The following ATP7B variants were observed in gnomAD, a reference collection of about 807,000 sequenced individuals.
ATP7B encodes ATPase copper transporting beta, also known as copper-transporting ATPase 2.
In ATP7B, 113 loss-of-function variants were observed where a neutral mutation model predicts 118.9. That is an observed-to-expected ratio of 0.95 (90% CI 0.82 to 1.11). The LOEUF (loss-of-function observed/expected upper bound fraction) is 1.11, where lower values mean the gene tolerates loss of function less well. Ranked by LOEUF, ATP7B falls within the 50% of genes most tolerant of loss-of-function variation. The pLI, the probability that ATP7B is intolerant of heterozygous loss-of-function variation, is 0.00. For missense variants in ATP7B, 1,867 were observed against 1,871.4 expected (o/e 1.00, Z 0.04); for synonymous variants, 777 against 727.4 (o/e 1.07, Z -1.10).
intron 1 of ATP7B, among the ~76,000 whole-genome samples, chr13:51,992,235 G>A (rs1952953178): frequency 1.3e-5 from 2 of 151,958 alleles, no homozygotes; most frequent in East Asian, 1.9e-4. Flanking sequence ...TCTGAACAAC[G>A]TGCCACCTAA....
intron 7 of ATP7B, chr13:51,959,354 C>A (rs1266496194): frequency 6.6e-6 from 1 of 152,562 alleles, no homozygotes. Flanking sequence ...CATAGCAAGA[C>A]CCTATCTAGC....
At chr13:51,988,078 A>G (rs1455104088) in intron 1 of ATP7B, among the ~76,000 whole-genome samples, 6 of 152,208 alleles carry the variant, frequency 3.9e-5, no homozygotes, top group Non-Finnish European at 8.8e-5. Context: ...TAAACTAAAG[A>G]GCTTCTGCAC....
At chr13:52,011,946 C>G (rs1265308560), upstream of ATP7B, 1 of 303,452 alleles carries the variant, frequency 3.3e-6, no homozygotes, top group African/African-American at 2.2e-5. Context: ...CTGCCCCCTC[C>G]TCGGACTCTG....
At position 51,949,567 on chromosome 13, in the gene ATP7B, T is replaced by C. The variant is rs1032648104; in HGVS notation, c.2865+95A>G. 1.2e-5 allele frequency: 19 copies of C among 1,539,644 alleles called. No individual in the cohort carries two copies. The Admixed American group carries it at 3.0e-4, about 25-fold the overall frequency. ...AAGCAAATAAAATGTAATGAATAAT[T>C]AAAGCCCAGTGAATCTAAGATATGA... On this transcript the variant is annotated intron_variant, in intron 12 of 20. Transcript: ENST00000242839.
In ATP7B at chr13:51,974,640, G is replaced by A; in HGVS notation, c.580C>T (p.Pro194Ser). 6.2e-7 allele frequency: 1 copy of A among 1,612,236 alleles called. No individual in the cohort carries two copies. Among genetic ancestry groups the A allele is most frequent in the Admixed American group, 1.7e-5 (1 of 59,848 alleles). The change falls in exon 2 of 21, where the codon CCC (proline) becomes TCC (serine). Residue 194 changes from proline to serine, a missense_variant. Transcript: ENST00000242839. ...TTTACATGGTCCCTGAGGTCTTCGG[G>A]CTGAATGAGATAAGGCTGATAAGTG... ...VITYQPYLIQ[P>S]EDLRDHVNDM...
chr13:51,957,834 A>C, intron 8 of ATP7B: 1 of 554,108 alleles, frequency 1.8e-6, no homozygotes, highest in Non-Finnish European at 3.3e-6. Context: ...CGGGAATTAC[A>C]TTTCAGACTG....
intron 5 of ATP7B, among the ~76,000 whole-genome samples, chr13:51,963,922 C>T (rs1369147068): frequency 2.0e-5 from 3 of 151,488 alleles, no homozygotes; most frequent in African/African-American, 4.9e-5. Flanking sequence ...CATGGCGGTG[C>T]ACGCCTGTAG....
At chr13:51,953,122 T>C (rs914524889) in intron 9 of ATP7B, among the ~76,000 whole-genome samples, 8 of 152,196 alleles carry the variant, frequency 5.3e-5, no homozygotes, top group Admixed American at 3.9e-4. Context: ...GGTGGCTGAG[T>C]GAGCCAGGAG....
rs575745870 is a variant in ATP7B at position 51,996,083 on chromosome 13, G to A, written c.51+15204C>T. Among the ~76,000 whole-genome samples, 8 of 152,308 alleles carry A rather than the reference G, an allele frequency of 5.3e-5. No individual in the cohort carries two copies. The East Asian group carries it at 1.3e-3, about 26-fold the overall frequency. Reference sequence around the variant, plus strand: ...TCCACAGCTCCAATGTTGGCAGCGTGCAGAATACTTGGTGAGAGAAGTATT... The same window carrying A: ...TCCACAGCTCCAATGTTGGCAGCGTACAGAATACTTGGTGAGAGAAGTATT... On this transcript the variant is annotated intron_variant, in intron 1 of 20. Transcript: ENST00000242839.
rs377752512 is a variant in ATP7B, at chr13:51,949,385, C to T, written c.2865+277G>A. Among the ~76,000 whole-genome samples the T allele has an allele frequency of 6.6e-5, 10 of 152,230 alleles. No individual in the cohort carries two copies. In the East Asian group the frequency reaches 7.7e-4, roughly 12 times the overall value. On this transcript the variant is annotated intron_variant, in intron 12 of 20. Coordinates refer to ENST00000242839, the MANE Select transcript of ATP7B (RefSeq NM_000053.4). ...ATAACCTCAAAAAGGACCAATAATA[C>T]ATATTGTAAATGCTTCAAGCATTAC...
At chr13:51,993,125 T>C (rs1953007076) in intron 1 of ATP7B, among the ~76,000 whole-genome samples, 1 of 152,264 alleles carries the variant, frequency 6.6e-6, no homozygotes, top group South Asian at 2.1e-4. Flanking sequence ...ATATACATTA[T>C]GTAAACATAA....
intron 1 of ATP7B, among the ~76,000 whole-genome samples, chr13:52,004,600 C>T (rs903400540): frequency 1.3e-5 from 2 of 152,154 alleles, no homozygotes; most frequent in African/African-American, 4.8e-5. Flanking sequence ...CTTTTTTATT[C>T]CTTATTTTTA....
chr13:51,990,403 G>A (rs1013144189), intron 1 of ATP7B, among the ~76,000 whole-genome samples: 7 of 151,974 alleles, frequency 4.6e-5, no homozygotes, highest in African/African-American at 1.4e-4. Flanking sequence ...ATAGTCCATC[G>A]AACAGAAATC....
chr13:51,965,721 C>T (rs1256884380), intron 4 of ATP7B, among the ~76,000 whole-genome samples: 4 of 152,080 alleles, frequency 2.6e-5, no homozygotes, highest in Middle Eastern at 3.2e-3. Flanking sequence ...ACAGGATGCT[C>T]GAGGGAGAGG....
rs1449685316 is a variant in ATP7B at position 51,968,711 on chromosome 13, T to TAG, written c.1544-106_1544-105dup. ...AGAAACACATCTTCCCAGAATCCTC[T>TAG]AGAACAGCAGTTTTCAAACACTGTT... On this transcript the variant is annotated intron_variant, in intron 3 of 20. Coordinates refer to ENST00000242839, the MANE Select transcript of ATP7B (RefSeq NM_000053.4). 23 of 1,370,836 alleles carry TAG rather than the reference T, an allele frequency of 1.7e-5. No homozygotes were observed. In the East Asian group the frequency reaches 4.8e-4, roughly 29 times the overall value. 84.9% of individuals were successfully genotyped at this position (1,370,836 alleles called of 1,614,324 possible).
At chr13:51,950,613 C>T (rs545887836) in intron 9 of ATP7B, among the ~76,000 whole-genome samples, 4 of 152,276 alleles carry the variant, frequency 2.6e-5, no homozygotes, top group African/African-American at 9.6e-5. Flanking sequence ...ACAGCAAAGG[C>T]CCTACTACCT....
At chr13:52,009,259 G>A (rs570776007) in intron 1 of ATP7B, among the ~76,000 whole-genome samples, 1 of 152,320 alleles carries the variant, frequency 6.6e-6, no homozygotes, top group South Asian at 2.1e-4. Context: ...CCTACTGTGA[G>A]GGAGATGAGC....
At chr13:52,010,765 T>TGAA (rs1953986724) in intron 1 of ATP7B, among the ~76,000 whole-genome samples, 1 of 152,258 alleles carries the variant, frequency 6.6e-6, no homozygotes, top group African/African-American at 2.4e-5. Context: ...ATTTGCCGAA[T>TGAA]GAAGACATAT....
At chr13:51,964,771 T>C in intron 5 of ATP7B, 101 bp downstream of exon 5, 1 of 1,412,990 alleles carries the variant, frequency 7.1e-7, no homozygotes, top group Non-Finnish European at 9.6e-7. Flanking sequence ...AGAATTTTGG[T>C]TATTTTCATT....
Sources: gnomAD v4.1 joint callset for allele counts (sites outside exome capture counted in the v4.1 genomes callset) on GRCh38, gnomAD v4.1.1 for gene constraint, MANE v1.5 for transcripts, NCBI Gene and HGNC (gene_info 2026-07-23, HGNC 2026-07-21) for gene names.